Variants in LRIG1 observed in about 807,000 individuals in gnomAD.
The protein encoded by LRIG1 is leucine rich repeats and immunoglobulin like domains 1, also known as leucine-rich repeats and immunoglobulin-like domains protein 1.
LRIG1 carries 48 observed loss-of-function variants against 99.2 expected under a neutral mutation model. That is an observed-to-expected ratio of 0.48 (90% CI 0.38 to 0.62). LRIG1 has a LOEUF of 0.62. LRIG1 is among the 20% of genes least tolerant of loss of function. LRIG1 has a pLI of 0.00. For missense variants in LRIG1, 1,646 were observed against 1,434.4 expected (o/e 1.15, Z -2.38); for synonymous variants, 772 against 596.1 (o/e 1.29, Z -4.30).
intron 11 of LRIG1, among the ~76,000 whole-genome samples, chr3:66,397,609 G>A (rs754352590): frequency 2.6e-5 from 4 of 152,116 alleles, no homozygotes; most frequent in African/African-American, 4.8e-5. Context: ...CCTGTGAACC[G>A]TGCCCAGAAA....
In LRIG1 at chr3:66,499,933, C is replaced by T. The variant is rs1445026616; in HGVS notation, c.218+257G>A. ...CTGGCTAACCCCCAAATCTCTACGA[C>T]CCACGCTCGCTCGTCTCCAGACCCC... On this transcript the variant is annotated intron_variant, in intron 1 of 18. Coordinates refer to ENST00000273261, the MANE Select transcript of LRIG1 (RefSeq NM_015541.3). Among the ~76,000 whole-genome samples the T allele has an allele frequency of 2.7e-5, 4 of 150,906 alleles. No individual in the cohort carries two copies. In the East Asian group the frequency reaches 7.9e-4, roughly 30 times the overall value.
intron 2 of LRIG1, among the ~76,000 whole-genome samples, chr3:66,462,041 C>A (rs189748032): frequency 6.6e-6 from 1 of 152,104 alleles, no homozygotes; most frequent in African/African-American, 2.4e-5. Context: ...GGCCAGAGTT[C>A]GAGACCAGCC....
intron 2 of LRIG1, among the ~76,000 whole-genome samples, chr3:66,461,059 C>T (rs1284811554): frequency 1.3e-5 from 2 of 152,228 alleles, no homozygotes; most frequent in South Asian, 2.1e-4. Context: ...ACCTATAACC[C>T]CAGCACTTTG....
chr3:66,380,170 G>C lies in LRIG1; in HGVS notation c.*93C>G. On this transcript the variant is annotated 3_prime_UTR_variant, in exon 19 of 19. Coordinates refer to ENST00000273261, the MANE Select transcript of LRIG1 (RefSeq NM_015541.3). ...CACATGGGAGTTACAACTATGTACA[G>C]ATGAGTGACGCTTGAACCCAAGCTT... 3.0e-6 allele frequency: 3 copies of C among 985,382 alleles called. No individual in the cohort carries two copies. The highest frequency in any genetic ancestry group is 2.5e-5 in the Admixed American group (1 of 40,160). 61.0% of individuals were successfully genotyped at this position (985,382 alleles called of 1,614,324 possible).
intron 1 of LRIG1, among the ~76,000 whole-genome samples, chr3:66,469,849 C>T (rs1700556418): frequency 7.0e-6 from 1 of 143,368 alleles, no homozygotes; most frequent in Non-Finnish European, 1.5e-5. Context: ...GTCGGGGAAT[C>T]ACTTTAGGCC....
intron 8 of LRIG1, chr3:66,406,380 G>C: frequency 3.0e-6 from 3 of 985,462 alleles, no homozygotes; most frequent in Non-Finnish European, 3.6e-6. Flanking sequence ...GGCCCGCTCA[G>C]TCTGAATGTT....
chr3:66,494,859 T>C (rs1423941354), intron 1 of LRIG1, among the ~76,000 whole-genome samples: 1 of 152,250 alleles, frequency 6.6e-6, no homozygotes, highest in Non-Finnish European at 1.5e-5. Flanking sequence ...GTATCAAGTA[T>C]TTCAGCAAAA....
intron 11 of LRIG1, 60 bp downstream of exon 11, chr3:66,398,052 G>A: frequency 1.5e-6 from 2 of 1,376,270 alleles, no homozygotes; most frequent in Non-Finnish European, 2.1e-6. Flanking sequence ...AATTGCAGAA[G>A]TTTCTTACTC....
At chr3:66,425,069 T>C (rs186892694) in intron 3 of LRIG1, among the ~76,000 whole-genome samples, 324 of 152,368 alleles carry the variant, frequency 2.1e-3, no homozygotes, top group African/African-American at 7.4e-3. Context: ...GAAGCATCTA[T>C]ACTTAGGCAA....
chr3:66,385,254 C>T (rs1701315203), intron 13 of LRIG1, among the ~76,000 whole-genome samples: 1 of 152,258 alleles, frequency 6.6e-6, no homozygotes, highest in Non-Finnish European at 1.5e-5. Context: ...TCTTTCAGGC[C>T]AGGGCTCACA....
intron 9 of LRIG1, among the ~76,000 whole-genome samples, chr3:66,401,993 A>C (rs1702075873): frequency 2.6e-5 from 4 of 152,058 alleles, no homozygotes. Flanking sequence ...CTTCCCACCC[A>C]CACACACAAT....
chr3:66,382,776 TGAGTATTCCTGTTTAAGGTTAAATTTGA>T (rs373600975), intron 15 of LRIG1, among the ~76,000 whole-genome samples, 178 bp downstream of exon 15: 2,436 of 152,316 alleles, frequency 0.016, 44 homozygotes, highest in African/African-American at 0.033. Flanking sequence ...CTTGTATTTG[TGAGTATTCCTGTTTAAGGTTAAATTTGA>T]GAGTATTCCT....
At chr3:66,421,240 C>A (rs560454531) in intron 3 of LRIG1, among the ~76,000 whole-genome samples, 90 of 152,288 alleles carry the variant, frequency 5.9e-4, no homozygotes, top group African/African-American at 2.1e-3. Flanking sequence ...ACCAATCATG[C>A]CTTCCCAACA....
intron 1 of LRIG1, among the ~76,000 whole-genome samples, chr3:66,474,775 C>T (rs747459929): frequency 1.6e-4 from 25 of 152,258 alleles, no homozygotes; most frequent in Non-Finnish European, 2.4e-4. Flanking sequence ...TGGACCCTAG[C>T]GGCAAATTCC....
intron 3 of LRIG1, among the ~76,000 whole-genome samples, chr3:66,422,383 C>G (rs1215921035): frequency 6.6e-6 from 1 of 152,208 alleles, no homozygotes; most frequent in Non-Finnish European, 1.5e-5. Flanking sequence ...TGCTTTACTG[C>G]TTAGAAATTT....
At chr3:66,491,307 T>C (rs1269492013) in intron 1 of LRIG1, among the ~76,000 whole-genome samples, 1 of 152,214 alleles carries the variant, frequency 6.6e-6, no homozygotes, top group African/African-American at 2.4e-5. Flanking sequence ...TCTATTCCAT[T>C]TCTAATTATG....
At chr3:66,407,704 G>C (rs950775882) in intron 7 of LRIG1, among the ~76,000 whole-genome samples, 2 of 152,220 alleles carry the variant, frequency 1.3e-5, no homozygotes, top group African/African-American at 4.8e-5. Context: ...CAACACACTA[G>C]TCTGACTCGT....
At chr3:66,496,981 C>T (rs1225201743) in intron 1 of LRIG1, among the ~76,000 whole-genome samples, 1 of 152,192 alleles carries the variant, frequency 6.6e-6, no homozygotes. Flanking sequence ...CACTTCTTTG[C>T]CAAAACTGGC....
intron 4 of LRIG1, 88 bp from the exon 5 acceptor site, chr3:66,415,151 T>C: frequency 7.2e-7 from 1 of 1,387,608 alleles, no homozygotes; most frequent in South Asian, 1.5e-5. Context: ...GGGTCTGAGT[T>C]GGGAAGATGA....
Sources: allele counts gnomAD v4.1 joint callset (sites outside exome capture counted in the v4.1 genomes callset), GRCh38; gene constraint gnomAD v4.1.1; transcripts MANE v1.5; gene names NCBI Gene and HGNC (gene_info 2026-07-23, HGNC 2026-07-21).